CALN1: variants seen among roughly 807,000 people sequenced by gnomAD.
CALN1 encodes calcium-binding protein 8.
CALN1 carries 17 observed loss-of-function variants against 30.6 expected under a neutral mutation model. The observed-to-expected ratio is 0.56, with a 90% CI of 0.38 to 0.83. The LOEUF (loss-of-function observed/expected upper bound fraction) is 0.83, where lower values mean the gene tolerates loss of function less well. Ranked by LOEUF, CALN1 falls within the 40% of genes least tolerant of loss-of-function variation. The pLI is 0.00. For synonymous variants in CALN1, 156 were observed against 131.4 expected (o/e 1.19, Z -1.28); for missense variants, 291 against 354.9 (o/e 0.82, Z 1.45).
chr7:72,240,670 G>A (rs1365955197), intron 3 of CALN1, among the ~76,000 whole-genome samples: 1 of 152,302 alleles, frequency 6.6e-6, no homozygotes, highest in Non-Finnish European at 1.5e-5. Context: ...AGAAGGATTC[G>A]TTGCTGTTAA....
At chr7:72,220,094 G>A (rs1166095874) in intron 3 of CALN1, among the ~76,000 whole-genome samples, 1 of 151,494 alleles carries the variant, frequency 6.6e-6, no homozygotes, top group Non-Finnish European at 1.5e-5. Flanking sequence ...ACAATGTGCA[G>A]GTTTGTTACA....
intron 2 of CALN1, among the ~76,000 whole-genome samples, chr7:72,380,316 CAAAG>C (rs1014304062): frequency 2.6e-5 from 4 of 152,162 alleles, no homozygotes; most frequent in Admixed American, 2.6e-4. Context: ...TCCCAATTCT[CAAAG>C]AAAGAGCCTA....
At chr7:72,460,926 T>G in the CALN1 span, among the ~76,000 whole-genome samples, 1 of 152,114 alleles carries the variant, frequency 6.6e-6, no homozygotes, top group African/African-American at 2.4e-5. Context: ...TGGGTTCAGC[T>G]CCATGGCTCT....
At chr7:71,894,239 A>G (rs1322711078) in intron 5 of CALN1, among the ~76,000 whole-genome samples, 9 of 152,240 alleles carry the variant, frequency 5.9e-5, no homozygotes, top group East Asian at 3.9e-4. Flanking sequence ...TTTAAATACT[A>G]TAACTTTATA....
intron 4 of CALN1, among the ~76,000 whole-genome samples, chr7:72,092,449 C>T (rs1213377145): frequency 2.9e-4 from 44 of 151,994 alleles, no homozygotes; most frequent in Non-Finnish European, 2.9e-5. Context: ...CACACCCACA[C>T]ACACATATAT....
intron 6 of CALN1, among the ~76,000 whole-genome samples, chr7:71,789,816 T>A (rs565211505): frequency 6.6e-6 from 1 of 151,914 alleles, no homozygotes; most frequent in East Asian, 1.9e-4. Context: ...TAAATGGAAA[T>A]AACAAGAAAA....
the CALN1 span, among the ~76,000 whole-genome samples, chr7:72,467,763 T>C: frequency 6.6e-6 from 1 of 152,278 alleles, no homozygotes; most frequent in Non-Finnish European, 1.5e-5. Flanking sequence ...CATGATGAAA[T>C]TGACCATCTT....
chr7:72,272,125 G>C (rs1797037693), intron 3 of CALN1, among the ~76,000 whole-genome samples: 1 of 151,620 alleles, frequency 6.6e-6, no homozygotes, highest in Non-Finnish European at 1.5e-5. Flanking sequence ...CTGAGCTGCA[G>C]GAGAGCAGTG....
At chr7:71,823,457 C>A (rs1033691912) in intron 5 of CALN1, among the ~76,000 whole-genome samples, 3 of 152,190 alleles carry the variant, frequency 2.0e-5, no homozygotes, top group African/African-American at 4.8e-5. Context: ...CGGTGGCTCA[C>A]GCCTGTAATC....
At chr7:71,872,242 G>T (rs778602181) in intron 5 of CALN1, among the ~76,000 whole-genome samples, 1 of 152,078 alleles carries the variant, frequency 6.6e-6, no homozygotes, top group Non-Finnish European at 1.5e-5. Context: ...CCCTCCATAA[G>T]GGCAGATGTT....
upstream of CALN1, among the ~76,000 whole-genome samples, chr7:72,451,209 A>AAGAAGGAGGAGGAGGAGG (rs747175718): frequency 7.9e-6 from 1 of 126,054 alleles, no homozygotes; most frequent in African/African-American, 3.7e-5. Context: ...GAAGAAGAAG[A>AAGAAGGAGGAGGAGGAGG]AGGAGGAGGA....
intron 1 of CALN1, among the ~76,000 whole-genome samples, chr7:72,440,186 C>T (rs1053290188): frequency 6.6e-5 from 10 of 152,180 alleles, no homozygotes; most frequent in East Asian, 1.9e-4. Flanking sequence ...GAAATGATCA[C>T]GGGGTGGCAC....
At chr7:72,308,599 T>C (rs1444922227) in intron 2 of CALN1, among the ~76,000 whole-genome samples, 3 of 152,154 alleles carry the variant, frequency 2.0e-5, no homozygotes, top group Non-Finnish European at 2.9e-5. Context: ...AATGAAAACA[T>C]TGCAGATGAC....
chr7:72,164,900 G>A (rs75419194), intron 3 of CALN1, among the ~76,000 whole-genome samples: 1 of 151,948 alleles, frequency 6.6e-6, no homozygotes, highest in Non-Finnish European at 1.5e-5. Context: ...TCGCTATGTT[G>A]CCCAAACTGA....
At chr7:72,076,646 A>AAAAAAAAAAAAAAAAAC (rs1563035689) in intron 4 of CALN1, among the ~76,000 whole-genome samples, 1 of 124,532 alleles carries the variant, frequency 8.0e-6, no homozygotes, top group African/African-American at 3.2e-5. Context: ...AAAAAAAAAA[A>AAAAAAAAAAAAAAAAAC]AGCAAAGACA....
intron 5 of CALN1, among the ~76,000 whole-genome samples, chr7:71,910,847 T>G (rs1794391788): frequency 6.6e-6 from 1 of 152,200 alleles, no homozygotes; most frequent in South Asian, 2.1e-4. Flanking sequence ...AATGTATTGC[T>G]TTTGTGCTTA....
At chr7:72,097,119 T>A (rs1219638077) in intron 4 of CALN1, among the ~76,000 whole-genome samples, 1 of 149,162 alleles carries the variant, frequency 6.7e-6, no homozygotes, top group African/African-American at 2.5e-5. Flanking sequence ...TGAGAACACC[T>A]GGACACAGGA....
At chr7:72,445,324 G>A (rs780942347) in intron 1 of CALN1, among the ~76,000 whole-genome samples, 3 of 151,998 alleles carry the variant, frequency 2.0e-5, no homozygotes, top group Admixed American at 6.6e-5. Context: ...TCCACTGAAC[G>A]GTCTGTGAGC....
chr7:72,010,889 T>C (rs187392892), intron 5 of CALN1, among the ~76,000 whole-genome samples: 1 of 151,346 alleles, frequency 6.6e-6, no homozygotes, highest in East Asian at 1.9e-4. Context: ...GCGTGGTGGC[T>C]AATGCCTGTA....
Sources: allele counts gnomAD v4.1 joint callset (sites outside exome capture counted in the v4.1 genomes callset), GRCh38; gene constraint gnomAD v4.1.1; transcripts MANE v1.5; gene names NCBI Gene and HGNC (gene_info 2026-07-23, HGNC 2026-07-21).